Variants in ZNF808 observed in about 807,000 individuals in gnomAD.
The protein encoded by ZNF808 is zinc finger protein 808.
In ZNF808, 5 loss-of-function variants were observed where a neutral mutation model predicts 8.7. That is an observed-to-expected ratio of 0.58 (90% confidence interval 0.30 to 1.21). The LOEUF is 1.21. ZNF808 is among the 50% of genes most tolerant of loss of function. The probability of loss-of-function intolerance (pLI) is 0.07; values close to 1 mark genes in which losing one functional copy is unlikely to be tolerated. For synonymous variants in ZNF808, 380 were observed against 366.0 expected, an observed-to-expected ratio of 1.04 and a Z score of -0.44; for missense variants, 1,103 against 1,098.4, an observed-to-expected ratio of 1.00 and a Z score of -0.06.
chr19:52,549,958 G>C (rs1283510981), intron 4 of ZNF808, among the ~76,000 whole-genome samples: 1 of 152,154 alleles, frequency 6.6e-6, no homozygotes, highest in East Asian at 1.9e-4. Context: ...CAGAACCACT[G>C]TCAGCAGCGC....
In ZNF808 at chr19:52,563,642, A is replaced by G. The variant is rs1250426701; in HGVS notation, c.*747A>G. ...AAAGAAATAAACAGTTTGTAAATGA[A>G]TAACTTATTTTGAGTTGTGACAAGA... On this transcript the variant is annotated 3_prime_UTR_variant and NMD_transcript_variant, in exon 4 of 4. Transcript: ENST00000487863. The G allele has an allele frequency of 3.3e-5, 5 of 153,438 alleles. No individual in the cohort carries two copies. In the Admixed American group the frequency reaches 3.3e-4, roughly 10 times the overall value. 9.5% of individuals were successfully genotyped at this position (153,438 alleles called of 1,614,324 possible). A position where few individuals can be genotyped will look rare whatever the true frequency, so the allele number is the denominator to read the frequency against.
At chr19:52,539,272 C>T (rs979534161) in intron 2 of ZNF808, among the ~76,000 whole-genome samples, 4 of 145,724 alleles carry the variant, frequency 2.7e-5, no homozygotes, top group African/African-American at 1.0e-4. Flanking sequence ...TGACTCACTG[C>T]AACCTCTGCC....
At chr19:52,536,621 T>A (rs2059614355) in intron 2 of ZNF808, among the ~76,000 whole-genome samples, 1 of 152,180 alleles carries the variant, frequency 6.6e-6, no homozygotes, top group Admixed American at 6.5e-5. Flanking sequence ...CGGGTATTCT[T>A]GCCTGCCCAG....
At chr19:52,550,526 G>A (rs763845975) in intron 4 of ZNF808, among the ~76,000 whole-genome samples, 40 of 133,442 alleles carry the variant, frequency 3.0e-4, no homozygotes, top group Admixed American at 9.5e-4. Context: ...CACTGTGTCC[G>A]GGCTATTTTT....
chr19:52,544,076 T>C (rs1171549993), intron 3 of ZNF808, among the ~76,000 whole-genome samples: 1 of 152,120 alleles, frequency 6.6e-6, no homozygotes, highest in Admixed American at 6.6e-5. Flanking sequence ...GGAGAATCAC[T>C]TGAGTCCAGG....
intron 4 of ZNF808, among the ~76,000 whole-genome samples, chr19:52,548,885 A>G (rs2059748514): frequency 1.3e-5 from 2 of 152,066 alleles, no homozygotes. Flanking sequence ...TGGAAGGCTG[A>G]GGTGGGTGAA....
downstream of ZNF808, among the ~76,000 whole-genome samples, chr19:52,560,814 C>T (rs2059853782): frequency 6.6e-6 from 1 of 152,126 alleles, no homozygotes; most frequent in African/African-American, 2.4e-5. Flanking sequence ...CCTACGTGCC[C>T]ATTCCTGCCC....
In ZNF808 at chr19:52,554,156, C is replaced by T; in HGVS notation, c.1240C>T (p.Leu414Phe). The change falls in exon 5 of 5, where the codon CTT becomes TTT. Residue 414 changes from leucine (L) to phenylalanine (F), a missense_variant. Physicochemically the swap from Leu to Phe is conservative, Grantham distance 22. Coordinates refer to ENST00000359798, the MANE Select transcript of ZNF808 (RefSeq NM_001039886.4). Reference protein sequence around the residue: ...CGKAFNHQSSLARHHILHTGE... With the variant: ...CGKAFNHQSSFARHHILHTGE... The stretch of plus-strand genomic sequence containing the variant: ...TAAGGCTTTTAATCATCAATCAAGC[C>T]TTGCACGTCATCATATACTTCATAC... The T allele has an allele frequency of 6.2e-7, 1 of 1,614,096 alleles. No individual in the cohort carries two copies. The highest frequency in any genetic ancestry group is 1.1e-5 in the South Asian group (1 of 91,080).
chr19:52,555,877 A>G lies in ZNF808; in HGVS notation c.*249A>G. On this transcript the variant is annotated 3_prime_UTR_variant, in exon 5 of 5. Transcript: ENST00000359798. The stretch of plus-strand genomic sequence containing the variant: ...ATTCATACAGGAGAGAAACCTCACA[A>G]GTGTGATGATTGTGGCAAAGCCTTT... The G allele has an allele frequency of 1.4e-6, 1 of 725,908 alleles. No homozygotes were observed. The highest frequency in any genetic ancestry group is 2.9e-5 in the East Asian group (1 of 34,052). 45.0% of individuals were successfully genotyped at this position (725,908 alleles called of 1,614,324 possible).
chr19:52,542,011 C>A (rs1218404293), intron 2 of ZNF808, among the ~76,000 whole-genome samples: 4 of 152,100 alleles, frequency 2.6e-5, no homozygotes, highest in African/African-American at 9.7e-5. Flanking sequence ...TGAAATAAAT[C>A]ACTTTATTTG....
At chr19:52,542,302 G>GT (rs2059678816) in intron 2 of ZNF808, among the ~76,000 whole-genome samples, 1 of 152,050 alleles carries the variant, frequency 6.6e-6, no homozygotes, top group South Asian at 2.1e-4. Flanking sequence ...CTATGGGTCT[G>GT]TGCCCCCAGG....
In ZNF808 at chr19:52,553,792, T is replaced by C; in HGVS notation, c.876T>C (p.Cys292=). 6.2e-7 allele frequency: 1 copy of C among 1,614,158 alleles called. No individual in the cohort carries two copies. The highest frequency in any genetic ancestry group is 8.5e-7 in the Non-Finnish European group (1 of 1,180,014). The change falls in exon 5 of 5, where the codon TGT becomes TGC. Residue 292 remains cysteine, a synonymous_variant. Transcript: ENST00000359798. ...AGAAACCTTACAAGTGTAAAGAGTG[T>C]GGAAAGTCCTTCAGTTACAAGTCAT... is the stretch of plus-strand genomic sequence containing the variant. ...TGEKPYKCKE[C]GKSFSYKSSL... is the part of the protein sequence containing the mutation.
intron 2 of ZNF808, among the ~76,000 whole-genome samples, chr19:52,538,263 TC>T: frequency 7.8e-6 from 1 of 128,236 alleles, no homozygotes; most frequent in Non-Finnish European, 1.6e-5. Flanking sequence ...GCTCAAAGGT[TC>T]CCCCGTCTTG....
chr19:52,564,680 G>A (rs1010759665), downstream of ZNF808, among the ~76,000 whole-genome samples: 2 of 152,132 alleles, frequency 1.3e-5, no homozygotes, highest in Non-Finnish European at 2.9e-5. Context: ...GCAGCTGGGA[G>A]TGATGGCTCA....
chr19:52,553,419 A>G lies in ZNF808; in HGVS notation c.503A>G (p.His168Arg). Residue 168 changes from histidine (H) to arginine (R), a missense_variant, in exon 5 of 5, where the codon CAC becomes CGC. Physicochemically the swap from His to Arg is conservative, Grantham distance 29 (BLOSUM62 0). Transcript: ENST00000359798. The stretch of plus-strand genomic sequence containing the variant: ...TTTTATTCACATCTGCCTGAACTCC[A>G]CATATTTCAGATCAAAGGTGAAATT... ...SSFYSHLPEL[H>R]IFQIKGEIAN... is the part of the protein sequence containing the mutation. 6.2e-7 allele frequency: 1 copy of G among 1,614,186 alleles called. No homozygotes were observed. Among genetic ancestry groups the G allele is most frequent in the South Asian group, 1.1e-5 (1 of 91,082 alleles).
intron 1 of ZNF808, among the ~76,000 whole-genome samples, chr19:52,529,417 C>G (rs562928234): frequency 5.3e-5 from 8 of 152,072 alleles, no homozygotes; most frequent in African/African-American, 9.7e-5. Flanking sequence ...GGGTTTAGAT[C>G]AGTGGATGAG....
chr19:52,564,572 C>G (rs2059868114), downstream of ZNF808: 1 of 163,602 alleles, frequency 6.1e-6, no homozygotes, highest in Admixed American at 6.4e-5. Flanking sequence ...TGCCTGAGAC[C>G]AGGAGTTTCC....
In ZNF808 at chr19:52,543,289, T is replaced by C. The variant is rs765569845; in HGVS notation, c.5T>C (p.Leu2Ser). 2 of 1,613,842 alleles carry C rather than the reference T, an allele frequency of 1.2e-6. No individual in the cohort carries two copies. The highest frequency in any genetic ancestry group is 2.2e-5 in the South Asian group (2 of 91,076). ...AGGATTGATTTCTAAAGACTCATGT[T>C]ACGTGAGGAAGCAGCTCAGAAGAGG... M[L>S]REEAAQKRKG... Residue 2 changes from leucine to serine, a missense_variant, in exon 3 of 5, where the codon TTA becomes TCA. Leu to Ser is a moderately radical substitution (Grantham distance 145). Coordinates refer to ENST00000359798, the MANE Select transcript of ZNF808 (RefSeq NM_001039886.4).
chr19:52,543,795 G>A (rs188843293), intron 3 of ZNF808, among the ~76,000 whole-genome samples: 157 of 152,214 alleles, frequency 1.0e-3, no homozygotes, highest in African/African-American at 2.0e-3. Flanking sequence ...ATCTGATTTG[G>A]TAATGCATTT....
Sources: allele counts gnomAD v4.1 joint callset (sites outside exome capture counted in the v4.1 genomes callset), GRCh38; gene constraint gnomAD v4.1.1; transcripts MANE v1.5; gene names NCBI Gene and HGNC (gene_info 2026-07-23, HGNC 2026-07-21).